Variants in MYO9A observed in about 807,000 individuals in gnomAD.
MYO9A encodes unconventional myosin-IXa.
Under a neutral mutation model 293.3 loss-of-function variants are expected in MYO9A, and 103 were observed. That is an observed-to-expected ratio of 0.35 (90% CI 0.30 to 0.41). MYO9A has a LOEUF of 0.41. MYO9A is among the 10% of genes least tolerant of loss of function. The pLI, the probability that MYO9A is intolerant of heterozygous loss-of-function variation, is 1.00. For synonymous variants in MYO9A, 1,001 were observed against 1,035.7 expected, an observed-to-expected ratio of 0.97 and a Z score of 0.64; for missense variants, 2,685 against 3,033.0, an observed-to-expected ratio of 0.89 and a Z score of 2.69.
At chr15:71,866,680 T>C (rs955895201) in intron 32 of MYO9A, among the ~76,000 whole-genome samples, 4 of 152,208 alleles carry the variant, frequency 2.6e-5, no homozygotes, top group African/African-American at 4.8e-5. Context: ...GAAGTACTAA[T>C]AGATCTTTTT....
chr15:72,011,599 A>AG (rs1330664704), intron 6 of MYO9A, among the ~76,000 whole-genome samples: 1 of 98,614 alleles, frequency 1.0e-5, no homozygotes, highest in East Asian at 5.5e-4. Flanking sequence ...CATCTCAAGA[A>AG]AAAAAAAATT....
chr15:71,981,336 C>G (rs2076265842), intron 11 of MYO9A, among the ~76,000 whole-genome samples: 1 of 152,118 alleles, frequency 6.6e-6, no homozygotes, highest in Admixed American at 6.5e-5. Context: ...TTCCACCTAA[C>G]AGCTTATGTC....
At position 71,916,539 on chromosome 15, in the gene MYO9A, A is replaced by G. The variant is rs1444025881; in HGVS notation, c.2563-47T>C. 14 of 1,561,958 alleles carry G rather than the reference A, an allele frequency of 9.0e-6. No individual in the cohort carries two copies. In the South Asian group the frequency reaches 1.6e-4, roughly 17 times the overall value. On this transcript the variant is annotated intron_variant, in intron 18 of 41. Transcript: ENST00000356056. Reference sequence around the variant, plus strand: ...ATTGCTCACATAAATTAATCTAACAATAAGCCAAAATTCTCAGCCAGTTTT... The same window carrying G: ...ATTGCTCACATAAATTAATCTAACAGTAAGCCAAAATTCTCAGCCAGTTTT...
At chr15:71,925,374 C>T (rs28579778) in intron 18 of MYO9A, among the ~76,000 whole-genome samples, 51 of 149,844 alleles carry the variant, frequency 3.4e-4, no homozygotes, top group African/African-American at 1.0e-3. Flanking sequence ...TACATATATA[C>T]GTATATACGT....
chr15:71,925,724 ATG>A (rs1260001574), intron 18 of MYO9A, among the ~76,000 whole-genome samples: 1 of 152,216 alleles, frequency 6.6e-6, no homozygotes, highest in East Asian at 1.9e-4. Context: ...TTTTAAAATC[ATG>A]TGTTACTTAA....
At chr15:72,015,467 G>T (rs2077303904) in intron 6 of MYO9A, among the ~76,000 whole-genome samples, 1 of 152,182 alleles carries the variant, frequency 6.6e-6, no homozygotes, top group African/African-American at 2.4e-5. Flanking sequence ...TTCCTGTAAA[G>T]GTAGTAGTGA....
intron 26 of MYO9A, chr15:71,891,006 C>T (rs2057160166): frequency 6.6e-6 from 1 of 152,076 alleles, no homozygotes; most frequent in Non-Finnish European, 1.5e-5. Flanking sequence ...AATGTTAGAA[C>T]GTGGAATATT....
chr15:72,033,348 A>G (rs2149445453), intron 2 of MYO9A, among the ~76,000 whole-genome samples: 1 of 152,340 alleles, frequency 6.6e-6, no homozygotes, highest in East Asian at 1.9e-4. Flanking sequence ...GAATGAAATG[A>G]AATTCCAGTA....
chr15:71,854,891 A>T (rs2141452921), intron 34 of MYO9A, among the ~76,000 whole-genome samples: 1 of 152,342 alleles, frequency 6.6e-6, no homozygotes, highest in Non-Finnish European at 1.5e-5. Context: ...TTTATATGCA[A>T]ACAGCTTGAC....
chr15:72,030,742 T>C (rs182167560), intron 3 of MYO9A, among the ~76,000 whole-genome samples: 1 of 152,208 alleles, frequency 6.6e-6, no homozygotes, highest in Admixed American at 6.5e-5. Context: ...CAGGTGAGTC[T>C]CCAACTCCTG....
At chr15:71,854,677 G>A (rs1264860358) in intron 34 of MYO9A, 108 bp from the exon 35 acceptor site, 2 of 838,384 alleles carry the variant, frequency 2.4e-6, no homozygotes, top group African/African-American at 3.5e-5. Context: ...AGTTTTATGA[G>A]CATAGTTAGA....
At chr15:71,841,677 C>T (rs2415121) in intron 39 of MYO9A, among the ~76,000 whole-genome samples, 50,643 of 151,404 alleles carry the variant, frequency 0.33, 9,342 homozygotes, top group East Asian at 0.62. Context: ...AGGGTCTCCC[C>T]CTGTCACCCA....
chr15:72,029,241 C>T (rs1301561374), intron 3 of MYO9A, among the ~76,000 whole-genome samples: 3 of 152,210 alleles, frequency 2.0e-5, no homozygotes, highest in African/African-American at 7.2e-5. Flanking sequence ...CACATACCAA[C>T]TTCAGGGAAA....
intron 22 of MYO9A, among the ~76,000 whole-genome samples, chr15:71,901,924 G>A (rs2057497635): frequency 6.6e-6 from 1 of 152,104 alleles, no homozygotes; most frequent in Non-Finnish European, 1.5e-5. Context: ...TTGAAATCCA[G>A]CGTGCATTAA....
Position 71,904,244 on chromosome 15 carries a change from A to G in MYO9A, c.2767-205T>C, listed in dbSNP as rs77444895. On this transcript the variant is annotated intron_variant, in intron 20 of 41. Transcript: ENST00000356056. The stretch of plus-strand genomic sequence containing the variant: ...CTGACTGCCCAACCCTAGGGAAAAG[A>G]GAGAAACCAAGCTTCCAGGCTTCTC... 1.4e-4 allele frequency among the ~76,000 whole-genome samples: 22 copies of G among 152,330 alleles called. No individual in the cohort carries two copies. The East Asian group carries it at 4.2e-3, about 29-fold the overall frequency.
chr15:71,888,947 C>T (rs767338882), intron 26 of MYO9A, among the ~76,000 whole-genome samples: 7 of 152,042 alleles, frequency 4.6e-5, no homozygotes, highest in Admixed American at 2.0e-4. Flanking sequence ...AATATGAAAC[C>T]GCAATGTTTA....
At chr15:71,949,235 C>T (rs1305804793) in intron 15 of MYO9A, among the ~76,000 whole-genome samples, 2 of 152,016 alleles carry the variant, frequency 1.3e-5, no homozygotes, top group Non-Finnish European at 2.9e-5. Flanking sequence ...GACAGTCTTG[C>T]TCTGTTGCCT....
chr15:71,955,900 G>T (rs1319633453), intron 14 of MYO9A, among the ~76,000 whole-genome samples: 2 of 152,112 alleles, frequency 1.3e-5, no homozygotes, highest in African/African-American at 2.4e-5. Context: ...TGTCTCTACA[G>T]ATTTGCTTAT....
At chr15:72,039,130 ACC>A (rs2078150808) in intron 2 of MYO9A, among the ~76,000 whole-genome samples, 1 of 152,138 alleles carries the variant, frequency 6.6e-6, no homozygotes, top group African/African-American at 2.4e-5. Flanking sequence ...AATTATTTAT[ACC>A]TTCCTGAGAA....
Sources: allele counts gnomAD v4.1 joint callset (sites outside exome capture counted in the v4.1 genomes callset), GRCh38; gene constraint gnomAD v4.1.1; transcripts MANE v1.5; gene names NCBI Gene and HGNC (gene_info 2026-07-23, HGNC 2026-07-21).